The following OR1J2 variants were observed in gnomAD, a reference collection of about 807,000 sequenced individuals.
OR1J2 encodes the protein olfactory receptor 1J2.
For synonymous variants in OR1J2, 142 were observed against 99.7 expected (o/e 1.42, Z -2.52); for missense variants, 304 against 246.1 (o/e 1.24, Z -1.57).
At chr9:122,530,069 A>T in the OR1J2 span, among the ~76,000 whole-genome samples, 1 of 152,236 alleles carries the variant, frequency 6.6e-6, no homozygotes, top group Admixed American at 6.5e-5. Context: ...ATAAACCAAG[A>T]TTAAAAATAT....
chr9:122,552,749 A>AGTGT, the OR1J2 span, among the ~76,000 whole-genome samples: 10,549 of 129,334 alleles, frequency 0.082, 499 homozygotes, highest in East Asian at 0.16. Context: ...AGAGGGCTTG[A>AGTGT]GTGTGTGTGT....
chr9:122,558,711 C>A, the OR1J2 span, among the ~76,000 whole-genome samples: 152 of 151,776 alleles, frequency 1.0e-3, no homozygotes, highest in African/African-American at 3.6e-3. Flanking sequence ...CTAAGAATCC[C>A]TGGGCTTTTT....
At chr9:122,448,391 C>T in the OR1J2 span, among the ~76,000 whole-genome samples, 5 of 152,274 alleles carry the variant, frequency 3.3e-5, no homozygotes, top group East Asian at 1.9e-4. Context: ...AATGTACAAT[C>T]GGGTTTTATA....
At chr9:122,515,473 C>T (rs1828688770), downstream of OR1J2, among the ~76,000 whole-genome samples, 2 of 149,576 alleles carry the variant, frequency 1.3e-5, no homozygotes, top group Non-Finnish European at 2.9e-5. Context: ...GCAACAATCA[C>T]CACCGGCCAA....
At chr9:122,489,481 T>C in the OR1J2 span, among the ~76,000 whole-genome samples, 1 of 152,096 alleles carries the variant, frequency 6.6e-6, no homozygotes, top group African/African-American at 2.4e-5. Context: ...GAAGCTTCGG[T>C]GCTAGGGTCT....
the OR1J2 span, among the ~76,000 whole-genome samples, chr9:122,457,078 G>T: frequency 2.6e-5 from 4 of 152,166 alleles, no homozygotes; most frequent in East Asian, 5.8e-4. Context: ...GCAGGGACAT[G>T]GGTGGAGCTG....
chr9:122,567,043 A>T, the OR1J2 span: 1 of 152,250 alleles, frequency 6.6e-6, no homozygotes, highest in East Asian at 1.9e-4. Context: ...TTAAGCAATA[A>T]AACATTTTTA....
the OR1J2 span, among the ~76,000 whole-genome samples, chr9:122,470,549 A>C: frequency 6.6e-6 from 1 of 152,222 alleles, no homozygotes; most frequent in Non-Finnish European, 1.5e-5. Flanking sequence ...CAGAGTCCCT[A>C]CTGGGGCACT....
chr9:122,453,878 A>T, the OR1J2 span, among the ~76,000 whole-genome samples: 3 of 152,234 alleles, frequency 2.0e-5, no homozygotes. Flanking sequence ...TTACAACAAC[A>T]TGATGCAGAG....
At chr9:122,571,788 A>G in the OR1J2 span, among the ~76,000 whole-genome samples, 7 of 151,924 alleles carry the variant, frequency 4.6e-5, no homozygotes, top group South Asian at 1.5e-3. Flanking sequence ...TGCAGTGGAC[A>G]GTGCCTTGGA....
chr9:122,511,854 T>C (rs1828645024), downstream of OR1J2: 2 of 662,016 alleles, frequency 3.0e-6, no homozygotes, highest in Admixed American at 4.9e-5. Flanking sequence ...AAGACAAATG[T>C]TAACATGTTG....
At chr9:122,554,053 A>C in the OR1J2 span, 11 of 1,613,570 alleles carry the variant, frequency 6.8e-6, no homozygotes, top group African/African-American at 1.5e-4. Flanking sequence ...GCTGTTCTCT[A>C]TATGGTGATT....
the OR1J2 span, among the ~76,000 whole-genome samples, chr9:122,488,385 C>T: frequency 1.8e-4 from 27 of 152,248 alleles, no homozygotes; most frequent in African/African-American, 5.5e-4. Context: ...GTGATCTGCC[C>T]GCCTCAGCCT....
the OR1J2 span, chr9:122,573,046 A>G: frequency 6.6e-6 from 1 of 152,226 alleles, no homozygotes; most frequent in Admixed American, 6.5e-5. Flanking sequence ...CACATCTCAG[A>G]AGGCAGGGAG....
chr9:122,452,696 G>T, the OR1J2 span, among the ~76,000 whole-genome samples: 1 of 152,064 alleles, frequency 6.6e-6, no homozygotes, highest in Non-Finnish European at 1.5e-5. Context: ...GGAGGTGTTT[G>T]GGTCATGGGG....
chr9:122,470,442 G>A, the OR1J2 span, among the ~76,000 whole-genome samples: 24 of 152,238 alleles, frequency 1.6e-4, no homozygotes, highest in African/African-American at 5.5e-4. Context: ...GGAAATGCAT[G>A]GATGCCCAGG....
the OR1J2 span, among the ~76,000 whole-genome samples, chr9:122,452,419 G>A: frequency 1.3e-5 from 2 of 152,190 alleles, no homozygotes; most frequent in Non-Finnish European, 2.9e-5. Flanking sequence ...GTTGGCCATA[G>A]TGTTCCCATA....
chr9:122,527,253 C>T, the OR1J2 span: 13 of 1,612,300 alleles, frequency 8.1e-6, no homozygotes, highest in Non-Finnish European at 1.1e-5. Context: ...CGCTGATATT[C>T]CTCGGAGGAA....
chr9:122,489,784 AT>A, the OR1J2 span, among the ~76,000 whole-genome samples: 1 of 152,154 alleles, frequency 6.6e-6, no homozygotes, highest in Admixed American at 6.5e-5. Context: ...TTGGGCCTCA[AT>A]TTGATACTCA....
Sources: gnomAD v4.1 joint callset for allele counts (sites outside exome capture counted in the v4.1 genomes callset) on GRCh38, gnomAD v4.1.1 for gene constraint, MANE v1.5 for transcripts, NCBI Gene and HGNC (gene_info 2026-07-23, HGNC 2026-07-21) for gene names.